Variants in POU2F2 observed in about 807,000 individuals in gnomAD.
The protein encoded by POU2F2 is POU class 2 homeobox 2.
In POU2F2, 14 loss-of-function variants were observed where a neutral mutation model predicts 63.5. The observed-to-expected ratio is 0.22, with a 90% CI of 0.15 to 0.34. POU2F2 has a LOEUF of 0.34. POU2F2 is among the 10% of genes least tolerant of loss of function. The pLI is 1.00. For synonymous variants in POU2F2, 306 were observed against 348.6 expected (o/e 0.88, Z 1.36); for missense variants, 607 against 815.2 (o/e 0.74, Z 3.11).
At chr19:42,136,269 C>T (rs1255745630), upstream of POU2F2, among the ~76,000 whole-genome samples, 2 of 149,698 alleles carry the variant, frequency 1.3e-5, no homozygotes, top group East Asian at 4.0e-4. Flanking sequence ...ACTGCAAACT[C>T]TGCCTCCCAG....
chr19:42,175,760 C>A (rs1051103693), intron 1 of POU2F2, among the ~76,000 whole-genome samples: 1 of 152,132 alleles, frequency 6.6e-6, no homozygotes, highest in East Asian at 1.9e-4. Context: ...GAGGGGTGCA[C>A]CGCGGCTCCC....
At chr19:42,187,393 C>T (rs2035024015) in intron 1 of POU2F2, among the ~76,000 whole-genome samples, 1 of 150,154 alleles carries the variant, frequency 6.7e-6, no homozygotes, top group African/African-American at 2.5e-5. Context: ...ATCACTTGAA[C>T]CCAGGAGGTG....
At position 42,091,164 on chromosome 19, in the gene POU2F2, C is replaced by T. The variant is rs1452251108; in HGVS notation, c.*93G>A. The T allele has an allele frequency of 7.9e-7, 1 of 1,265,182 alleles. No individual in the cohort carries two copies. The highest frequency in any genetic ancestry group is 1.5e-5 in the African/African-American group (1 of 65,178). 78.4% of individuals were successfully genotyped at this position (1,265,182 alleles called of 1,614,324 possible). A position where few individuals can be genotyped will look rare whatever the true frequency, so the allele number is the denominator to read the frequency against. ...CCTTGTCACTCCTGCTCTGAGGACC[C>T]TCTGCGTCCCCACCACTGGCCTCCT... is the stretch of plus-strand genomic sequence containing the variant. On this transcript the variant is annotated 3_prime_UTR_variant, in exon 15 of 15. Coordinates refer to ENST00000692977, the MANE Select transcript of POU2F2 (RefSeq NM_001394376.1).
Position 42,137,497 on chromosome 19 carries a change from G to A in POU2F2, c.-8-14921C>T, listed in dbSNP as rs151335548. On this transcript the variant is annotated intron_variant, in intron 2 of 6. Transcript: ENST00000524801. Reference sequence around the variant, plus strand: ...GGCGCTTTGAGAGGCTGAGGTGGGAGAGTTGCTTGACACCAGGAGTTTGAG... The same window carrying A: ...GGCGCTTTGAGAGGCTGAGGTGGGAAAGTTGCTTGACACCAGGAGTTTGAG... Among the ~76,000 whole-genome samples, 51 of 152,280 alleles carry A rather than the reference G, an allele frequency of 3.3e-4. 1 individual carries two copies. The East Asian group carries it at 9.3e-3, about 28-fold the overall frequency.
At chr19:42,105,344 G>A (rs1047392374) in intron 5 of POU2F2, among the ~76,000 whole-genome samples, 3 of 152,030 alleles carry the variant, frequency 2.0e-5, no homozygotes, top group Non-Finnish European at 2.9e-5. Context: ...CTTATTCTTC[G>A]TATATCCCTA....
chr19:42,098,853 AG>A (rs2077021945), intron 7 of POU2F2, among the ~76,000 whole-genome samples: 1 of 152,246 alleles, frequency 6.6e-6, no homozygotes, highest in Non-Finnish European at 1.5e-5. Context: ...GCAAACTGAA[AG>A]AAAGGCCTCG....
Position 42,169,256 on chromosome 19 carries a change from C to A in POU2F2, c.-70+6707G>T, listed in dbSNP as rs1038631520. Among the ~76,000 whole-genome samples the A allele has an allele frequency of 6.6e-6, 1 of 152,200 alleles. No homozygotes were observed. Among genetic ancestry groups the A allele is most frequent in the African/African-American group, 2.4e-5 (1 of 41,460 alleles). On this transcript the variant is annotated intron_variant, in intron 1 of 6. Transcript: ENST00000524801. This position sits in a 1 kb window ranked among gnomAD's most constrained non-coding sequence, Gnocchi z 4.3. ...GATTTCTGAATGTGGCCTGTGTGCA[C>A]CCACAGGCATATAGGCTGGGATGCT... is the stretch of plus-strand genomic sequence containing the variant.
chr19:42,170,138 T>G (rs1048899101), intron 1 of POU2F2, among the ~76,000 whole-genome samples: 1 of 152,026 alleles, frequency 6.6e-6, no homozygotes, highest in African/African-American at 2.4e-5. Context: ...AGGCTCAGCA[T>G]GGGTTGTGTG....
intron 5 of POU2F2, chr19:42,116,862 AGAG>A (rs891707873): frequency 1.2e-5 from 5 of 432,726 alleles, no homozygotes; most frequent in South Asian, 5.0e-5. Flanking sequence ...AGGAGGAAGT[AGAG>A]GAGGAGGCGG....
chr19:42,091,643 C>T, intron 14 of POU2F2, 52 bp from the exon 15 acceptor site: 1 of 1,545,108 alleles, frequency 6.5e-7, no homozygotes, highest in South Asian at 1.2e-5. Context: ...CCAGGGGAGA[C>T]CTTTGCCTTC....
At chr19:42,170,217 C>T (rs887239132) in intron 1 of POU2F2, among the ~76,000 whole-genome samples, 2 of 152,008 alleles carry the variant, frequency 1.3e-5, no homozygotes, top group Admixed American at 1.3e-4. Context: ...CCACTCCACC[C>T]ACATCCATGC....
At chr19:42,125,101 C>T (rs1020312680) in intron 1 of POU2F2, among the ~76,000 whole-genome samples, 1 of 152,092 alleles carries the variant, frequency 6.6e-6, no homozygotes, top group African/African-American at 2.4e-5. Flanking sequence ...AGCACACAGT[C>T]CCATTAAGAT....
chr19:42,191,561 G>C lies in POU2F2; in HGVS notation c.-70+4822C>G, dbSNP rs374786280. Among the ~76,000 whole-genome samples, 6 of 152,308 alleles carry C rather than the reference G, an allele frequency of 3.9e-5. No individual in the cohort carries two copies. The East Asian group carries it at 7.7e-4, about 20-fold the overall frequency. On this transcript the variant is annotated intron_variant, in intron 1 of 5. Transcript: ENST00000532176. ...CAAAATCCCAGCTGTGGTGCCTTCT[G>C]TTTCCTGCTGGGACCTTGACTATTA...
chr19:42,170,057 G>A (rs1052628544), intron 1 of POU2F2, among the ~76,000 whole-genome samples: 1 of 152,072 alleles, frequency 6.6e-6, no homozygotes. Flanking sequence ...GGGCTGCTGT[G>A]CTCAAAGGTC....
chr19:42,183,447 G>GAC (rs1431856447), intron 1 of POU2F2, among the ~76,000 whole-genome samples: 1 of 152,192 alleles, frequency 6.6e-6, no homozygotes, highest in African/African-American at 2.4e-5. Flanking sequence ...GGAGGGGACT[G>GAC]ACAGCAAAGG....
chr19:42,112,558 C>T (rs957044028), intron 5 of POU2F2, among the ~76,000 whole-genome samples: 12 of 152,062 alleles, frequency 7.9e-5, no homozygotes, highest in Admixed American at 1.3e-4. Context: ...TTAGTAGAGA[C>T]GGGGTTTTAC....
Position 42,117,208 on chromosome 19 carries a change from G to C in POU2F2, c.369+42C>G. 7.2e-7 allele frequency: 1 copy of C among 1,395,098 alleles called. No homozygotes were observed. The highest frequency in any genetic ancestry group is 9.5e-7 in the Non-Finnish European group (1 of 1,047,538). 86.4% of individuals were successfully genotyped at this position (1,395,098 alleles called of 1,614,324 possible). On this transcript the variant is annotated intron_variant, in intron 5 of 14. Transcript: ENST00000692977. The surrounding 1 kb of genome is among the most constrained non-coding windows in gnomAD (Gnocchi z 4.4). Reference sequence around the variant, plus strand: ...CTAGCCCTGTAACAGATGAGGGGTGGCTGGTTTGTCCCCTCGTCCCCATCC... The same window carrying C: ...CTAGCCCTGTAACAGATGAGGGGTGCCTGGTTTGTCCCCTCGTCCCCATCC...
chr19:42,194,823 G>A (rs1397797940), intron 1 of POU2F2, among the ~76,000 whole-genome samples: 3 of 122,266 alleles, frequency 2.5e-5, no homozygotes, highest in Middle Eastern at 4.5e-3. Flanking sequence ...AAGGAAGAAA[G>A]GCAGAAAGGG....
intron 5 of POU2F2, among the ~76,000 whole-genome samples, chr19:42,111,660 A>G (rs1187875211): frequency 6.6e-6 from 1 of 152,072 alleles, no homozygotes; most frequent in Non-Finnish European, 1.5e-5. Context: ...TGAAGCCAAA[A>G]TCCTAGGAGT....
Sources: allele counts gnomAD v4.1 joint callset (sites outside exome capture counted in the v4.1 genomes callset), GRCh38; gene constraint gnomAD v4.1.1; non-coding constraint Gnocchi (gnomAD v3.1); transcripts MANE v1.5; gene names NCBI Gene and HGNC (gene_info 2026-07-23, HGNC 2026-07-21).